Variants in SLC23A1 observed in about 807,000 individuals in gnomAD.
The protein encoded by SLC23A1 is solute carrier family 23 member 1.
A neutral mutation model predicts 62.5 loss-of-function variants in SLC23A1; 31 were observed. That is an observed-to-expected ratio of 0.50 (90% CI 0.37 to 0.67). SLC23A1 has a LOEUF of 0.67. Ranked by LOEUF, SLC23A1 falls within the 30% of genes least tolerant of loss-of-function variation. The probability of loss-of-function intolerance (pLI) is 0.00; values close to 1 mark genes in which losing one functional copy is unlikely to be tolerated. For missense variants in SLC23A1, 640 were observed against 782.7 expected (o/e 0.82, Z 2.18); for synonymous variants, 271 against 313.2 (o/e 0.87, Z 1.42).
Position 139,379,860 on chromosome 5 carries a change from T to C in SLC23A1, c.769-26A>G, listed in dbSNP as rs1758153441. The C allele has an allele frequency of 1.9e-6, 3 of 1,613,896 alleles. No homozygotes were observed. Among genetic ancestry groups the C allele is most frequent in the African/African-American group, 2.7e-5 (2 of 74,898 alleles). The stretch of plus-strand genomic sequence containing the variant: ...CTGAAGGAGGGGGGTGAGGGGGCAC[T>C]GAAGGCACTGGAGGTCTCTGTCCAG... On this transcript the variant is annotated intron_variant, in intron 7 of 14. Coordinates refer to ENST00000348729, the MANE Select transcript of SLC23A1 (RefSeq NM_005847.5). The surrounding 1 kb of genome is among the most constrained non-coding windows in gnomAD (Gnocchi z 4.7).
rs773393160 is a variant in SLC23A1 at position 139,378,173 on chromosome 5, C to T, written c.1309+49G>A. On this transcript the variant is annotated intron_variant, in intron 11 of 14. Coordinates refer to ENST00000348729, the MANE Select transcript of SLC23A1 (RefSeq NM_005847.5). The surrounding 1 kb of genome is among the most constrained non-coding windows in gnomAD (Gnocchi z 4.5). ...CCGCACACGCGTAATCCAGGTGAGT[C>T]CCACTCGGCGACCCGCACCGCGACC... The T allele has an allele frequency of 1.9e-6, 3 of 1,613,154 alleles. No homozygotes were observed. Among genetic ancestry groups the T allele is most frequent in the Admixed American group, 1.7e-5 (1 of 59,932 alleles).
chr5:139,375,121 T>G (rs904997326), intron 13 of SLC23A1, among the ~76,000 whole-genome samples: 4 of 152,188 alleles, frequency 2.6e-5, no homozygotes, highest in African/African-American at 9.7e-5. Flanking sequence ...CATGAACACT[T>G]GGATCTTGAG....
At chr5:139,383,443 C>A, upstream of SLC23A1, 6 of 1,261,904 alleles carry the variant, frequency 4.8e-6, no homozygotes, top group Non-Finnish European at 6.1e-6. Context: ...ACAGTAAAAG[C>A]CACCCAAGCC....
At chr5:139,384,805 A>G (rs577991972), upstream of SLC23A1, 1 of 937,888 alleles carries the variant, frequency 1.1e-6, no homozygotes, top group Admixed American at 6.2e-5. Flanking sequence ...GGTCCACGTC[A>G]TGGGTGCCCG....
At chr5:139,377,610 ACCTATCTCTGTCTTT>A in intron 12 of SLC23A1, 113 bp from the exon 13 acceptor site, 3 of 686,170 alleles carry the variant, frequency 4.4e-6, no homozygotes, top group Non-Finnish European at 5.3e-6. Flanking sequence ...CCTGTCTCAA[ACCTATCTCTGTCTTT>A]CCTATCTCTG....
upstream of SLC23A1, among the ~76,000 whole-genome samples, chr5:139,385,173 T>G (rs1278613941): frequency 6.6e-6 from 1 of 152,212 alleles, no homozygotes; most frequent in Non-Finnish European, 1.5e-5. Context: ...ATGGCTCTCG[T>G]GCAAAATAAA....
At chr5:139,384,978 C>T (rs1758455603), upstream of SLC23A1, among the ~76,000 whole-genome samples, 1 of 152,152 alleles carries the variant, frequency 6.6e-6, no homozygotes, top group East Asian at 1.9e-4. Flanking sequence ...CCCAGGGAAG[C>T]TGGAGTGGCC....
upstream of SLC23A1, chr5:139,384,599 C>A: frequency 7.9e-7 from 1 of 1,264,824 alleles, no homozygotes; most frequent in Non-Finnish European, 1.0e-6. Flanking sequence ...ACTTCTCCTC[C>A]CAGAACTCCC....
At chr5:139,368,295 G>A (rs368954895) in intron 14 of SLC23A1, among the ~76,000 whole-genome samples, 1 of 152,072 alleles carries the variant, frequency 6.6e-6, no homozygotes, top group Admixed American at 6.6e-5. Flanking sequence ...AGCTGAGATC[G>A]CGCCACTGCA....
rs1225702674 is a variant in SLC23A1 at position 139,367,319 on chromosome 5, T to C, written c.*332A>G. ...CCCTGGAACCTGCCCTCATTTCTTTTTATTTTTTTCAACTTGCAGTCTAAA... is the reference window on the plus strand; with the variant it reads ...CCCTGGAACCTGCCCTCATTTCTTTCTATTTTTTTCAACTTGCAGTCTAAA... On this transcript the variant is annotated 3_prime_UTR_variant, in exon 15 of 15. Coordinates refer to ENST00000348729, the MANE Select transcript of SLC23A1 (RefSeq NM_005847.5). 6.6e-6 allele frequency: 1 copy of C among 152,182 alleles called. No individual in the cohort carries two copies. 9.4% of individuals were successfully genotyped at this position (152,182 alleles called of 1,614,324 possible).
chr5:139,378,010 T>C lies in SLC23A1; in HGVS notation c.1418A>G (p.Asn473Ser), dbSNP rs532160398. 24 of 1,613,952 alleles carry C rather than the reference T, an allele frequency of 1.5e-5. No individual in the cohort carries two copies. Among genetic ancestry groups the C allele is most frequent in the East Asian group, 2.2e-5 (1 of 44,868 alleles). The change falls in exon 12 of 15, where the codon AAT (asparagine) becomes AGT (serine). Residue 473 changes from asparagine (N) to serine (S), a missense_variant. Physicochemically the swap from Asn to Ser is conservative, Grantham distance 46 (BLOSUM62 1). Coordinates refer to ENST00000348729, the MANE Select transcript of SLC23A1 (RefSeq NM_005847.5). This position sits in a 1 kb window ranked among gnomAD's most constrained non-coding sequence, Gnocchi z 4.5. ...FSMFFGLTLP[N>S]YLESNPGAIN... ...GGCGCCAGGGTTGGACTCCAGGTAATTGGGCAGCGTGAGCCCGAAGAACAT... is the reference window on the plus strand; with the variant it reads ...GGCGCCAGGGTTGGACTCCAGGTAACTGGGCAGCGTGAGCCCGAAGAACAT...
At chr5:139,381,555 G>C (rs1277392583) in intron 3 of SLC23A1, among the ~76,000 whole-genome samples, 1 of 149,448 alleles carries the variant, frequency 6.7e-6, no homozygotes, top group Non-Finnish European at 1.5e-5. Flanking sequence ...GGTGGTTGTG[G>C]TGAGCCGAGA....
chr5:139,377,924 C>T (rs371752264), intron 12 of SLC23A1, 51 bp downstream of exon 12: 1 of 1,588,094 alleles, frequency 6.3e-7, no homozygotes, highest in African/African-American at 1.3e-5. Context: ...GGGCTGTGCT[C>T]AAAATTTTGG....
At position 139,367,229 on chromosome 5, in the gene SLC23A1, T is replaced by G. The variant is rs1375486114; in HGVS notation, c.*422A>C. 6.6e-6 allele frequency: 1 copy of G among 152,324 alleles called. No homozygotes were observed. The highest frequency in any genetic ancestry group is 1.5e-5 in the Non-Finnish European group (1 of 68,022). 9.4% of individuals were successfully genotyped at this position (152,324 alleles called of 1,614,324 possible). A position where few individuals can be genotyped will look rare whatever the true frequency, so the allele number is the denominator to read the frequency against. ...TCAACATGATGTTTAATATTATGCA[T>G]TAGTCTTGAAGTGATGTAGGGTCAA... is the stretch of plus-strand genomic sequence containing the variant. On this transcript the variant is annotated 3_prime_UTR_variant, in exon 15 of 15. Transcript: ENST00000348729.
intron 13 of SLC23A1, among the ~76,000 whole-genome samples, chr5:139,373,776 A>G (rs1264763737): frequency 1.3e-5 from 2 of 152,172 alleles, no homozygotes; most frequent in African/African-American, 4.8e-5. Flanking sequence ...AGTCTGGAAG[A>G]GAAACCTTGA....
At position 139,379,066 on chromosome 5, in the gene SLC23A1, A is replaced by G. The variant is rs1177287664; in HGVS notation, c.1073+141T>C. On this transcript the variant is annotated intron_variant, in intron 9 of 14. Coordinates refer to ENST00000348729, the MANE Select transcript of SLC23A1 (RefSeq NM_005847.5). This position sits in a 1 kb window ranked among gnomAD's most constrained non-coding sequence, Gnocchi z 4.7. ...AGAGGGGTGATGAGAGGGCACCCCC[A>G]TCGCACAAACAAGGAGAATGAGGTC... 1.6e-5 allele frequency: 13 copies of G among 824,478 alleles called. No individual in the cohort carries two copies. Among genetic ancestry groups the G allele is most frequent in the Middle Eastern group, 7.0e-4 (2 of 2,866 alleles). The allele number at this position is 824,478 out of a possible 1,614,324, so 51.1% of individuals were successfully genotyped here.
chr5:139,370,520 G>A (rs1042299241), intron 14 of SLC23A1, among the ~76,000 whole-genome samples: 2 of 147,188 alleles, frequency 1.4e-5, no homozygotes, highest in Non-Finnish European at 3.0e-5. Flanking sequence ...TCAAGACAGA[G>A]TCTCACTCTG....
At chr5:139,375,921 CCCAGGAGTTCAAGA>C (rs1394475312) in intron 13 of SLC23A1, among the ~76,000 whole-genome samples, 1 of 152,008 alleles carries the variant, frequency 6.6e-6, no homozygotes, top group African/African-American at 2.4e-5. Flanking sequence ...ATCACTTGAG[CCCAGGAGTTCAAGA>C]CCAACCTTGG....
Position 139,379,487 on chromosome 5 carries a change from G to A in SLC23A1, c.926-133C>T. Reference sequence around the variant, plus strand: ...CTGGGATGGGAGCTATACAGTTGTGGGAGCTTATTTGAGTCACTCAGAGCC... The same window carrying A: ...CTGGGATGGGAGCTATACAGTTGTGAGAGCTTATTTGAGTCACTCAGAGCC... On this transcript the variant is annotated intron_variant, in intron 8 of 14. Coordinates refer to ENST00000348729, the MANE Select transcript of SLC23A1 (RefSeq NM_005847.5). The surrounding 1 kb of genome is among the most constrained non-coding windows in gnomAD (Gnocchi z 4.7). 7 of 1,074,714 alleles carry A rather than the reference G, an allele frequency of 6.5e-6. No individual in the cohort carries two copies. The highest frequency in any genetic ancestry group is 1.6e-5 in the African/African-American group (1 of 64,120). The allele number at this position is 1,074,714 out of a possible 1,614,324, so 66.6% of individuals were successfully genotyped here. A position where few individuals can be genotyped will look rare whatever the true frequency, so the allele number is the denominator to read the frequency against.
Sources: allele counts gnomAD v4.1 joint callset (sites outside exome capture counted in the v4.1 genomes callset), GRCh38; gene constraint gnomAD v4.1.1; non-coding constraint Gnocchi (gnomAD v3.1); transcripts MANE v1.5; gene names NCBI Gene and HGNC (gene_info 2026-07-23, HGNC 2026-07-21).